PCDHGA3: variants seen among roughly 807,000 people sequenced by gnomAD.
PCDHGA3 encodes protocadherin gamma subfamily A, 3.
PCDHGA3 carries 40 observed loss-of-function variants against 58.5 expected under a neutral mutation model. The ratio of observed to expected loss-of-function variants is 0.68; its 90% confidence interval spans 0.53 to 0.89. The LOEUF is 0.89. Ranked by LOEUF, PCDHGA3 falls within the 40% of genes least tolerant of loss-of-function variation. PCDHGA3 has a pLI of 0.00. For missense variants in PCDHGA3, 1,223 were observed against 1,195.9 expected (o/e 1.02, Z -0.33); for synonymous variants, 530 against 525.7 (o/e 1.01, Z -0.11).
chr5:141,481,401 CT>C (rs2099537157), intron 1 of PCDHGA3, among the ~76,000 whole-genome samples: 1 of 152,204 alleles, frequency 6.6e-6, no homozygotes, highest in African/African-American at 2.4e-5. Flanking sequence ...TGACAAAATT[CT>C]TGTATAATTA....
chr5:141,361,643 C>T, intron 1 of PCDHGA3: 1 of 1,613,858 alleles, frequency 6.2e-7, no homozygotes, highest in Non-Finnish European at 8.5e-7. Context: ...GAGATTTTAT[C>T]CTACGTGTCC....
chr5:141,471,058 T>C (rs991869999), intron 1 of PCDHGA3, among the ~76,000 whole-genome samples: 2 of 149,826 alleles, frequency 1.3e-5, no homozygotes, highest in Non-Finnish European at 3.0e-5. Context: ...TTTTTTTTTT[T>C]TTTTTTTTGA....
intron 1 of PCDHGA3, among the ~76,000 whole-genome samples, chr5:141,459,544 T>G (rs772982634): frequency 6.6e-6 from 1 of 152,246 alleles, no homozygotes; most frequent in Non-Finnish European, 1.5e-5. Flanking sequence ...TTTTTTTTAT[T>G]TCTCTTGGAT....
At chr5:141,388,353 G>T in intron 1 of PCDHGA3, 1 of 1,613,976 alleles carries the variant, frequency 6.2e-7, no homozygotes, top group Non-Finnish European at 8.5e-7. Context: ...ATTAGGATCT[G>T]CCCATGATGC....
intron 1 of PCDHGA3, chr5:141,441,751 A>G (rs946329290): frequency 5.3e-6 from 2 of 378,094 alleles, no homozygotes; most frequent in African/African-American, 2.2e-5. Flanking sequence ...CTCGGCGTCA[A>G]CGTGAGCCTG....
At chr5:141,403,081 T>C (rs772246285) in intron 1 of PCDHGA3, 1 of 1,614,048 alleles carries the variant, frequency 6.2e-7, no homozygotes, top group East Asian at 2.2e-5. Flanking sequence ...AAAAGGGCTA[T>C]ATTGTGGGCA....
chr5:141,398,660 T>C, intron 1 of PCDHGA3: 2 of 1,614,038 alleles, frequency 1.2e-6, no homozygotes, highest in Non-Finnish European at 1.7e-6. Context: ...AACCCAAGTT[T>C]CTCATTAATA....
chr5:141,409,082 T>C (rs1332697516), intron 1 of PCDHGA3: 6 of 1,613,878 alleles, frequency 3.7e-6, no homozygotes, highest in African/African-American at 1.3e-5. Context: ...TATGTTCTCA[T>C]TGGATGAGAA....
At chr5:141,419,051 T>A (rs1007349455) in intron 1 of PCDHGA3, 6 of 1,613,950 alleles carry the variant, frequency 3.7e-6, no homozygotes, top group East Asian at 2.2e-5. Context: ...TCATTCTTCT[T>A]CTAATAATTA....
chr5:141,375,703 G>C (rs776426026), intron 1 of PCDHGA3: 6 of 1,614,144 alleles, frequency 3.7e-6, no homozygotes, highest in Non-Finnish European at 5.1e-6. Context: ...GCGGGGACCC[G>C]CCTCTTAGCA....
intron 1 of PCDHGA3, chr5:141,414,836 T>C: frequency 6.2e-7 from 1 of 1,614,222 alleles, no homozygotes; most frequent in Non-Finnish European, 8.5e-7. Context: ...TCGTTGAGCC[T>C]GTTTGTGCTG....
At chr5:141,370,688 G>A (rs374195397) in intron 1 of PCDHGA3, 7 of 1,613,840 alleles carry the variant, frequency 4.3e-6, no homozygotes, top group Non-Finnish European at 5.9e-6. Context: ...TTTGTGGCAA[G>A]AAGTCGACGT....
intron 1 of PCDHGA3, chr5:141,352,673 A>G (rs778268844): frequency 6.3e-7 from 1 of 1,575,668 alleles, no homozygotes; most frequent in Non-Finnish European, 8.6e-7. Context: ...TTCGCACGTG[A>G]GTTTCTGCAA....
At chr5:141,415,023 C>G in intron 1 of PCDHGA3, 1 of 1,613,530 alleles carries the variant, frequency 6.2e-7, no homozygotes, top group Non-Finnish European at 8.5e-7. Context: ...TCAAGGCCAG[C>G]GAGCCGGGAC....
At chr5:141,478,088 A>G (rs2099429877) in intron 1 of PCDHGA3, 2 of 1,613,944 alleles carry the variant, frequency 1.2e-6, no homozygotes, top group African/African-American at 1.3e-5. Context: ...TTCGCTCTCC[A>G]CCACTGCTAC....
Position 141,486,429 on chromosome 5 carries a change from C to G in PCDHGA3, c.2425-8378C>G, listed in dbSNP as rs2099629385. On this transcript the variant is annotated intron_variant, in intron 1 of 3. Transcript: ENST00000253812. The surrounding 1 kb of genome is among the most constrained non-coding windows in gnomAD (Gnocchi z 5.0). ...GGACCCTTGGATCGAGAGGCCAAAT[C>G]TAGCTATGACATCATGGTCACTGCT... 1.1e-5 allele frequency: 17 copies of G among 1,614,192 alleles called. No homozygotes were observed. Among genetic ancestry groups the G allele is most frequent in the Non-Finnish European group, 1.4e-5 (17 of 1,180,008 alleles).
rs759647406 is a variant in PCDHGA3 at position 141,493,849 on chromosome 5, A to G, written c.2425-958A>G. Among the ~76,000 whole-genome samples the G allele has an allele frequency of 6.6e-6, 1 of 152,178 alleles. No individual in the cohort carries two copies. The highest frequency in any genetic ancestry group is 1.5e-5 in the Non-Finnish European group (1 of 68,028). ...CTGGGAGCAAGTATGAGTATTAATT[A>G]CCAGCCCACCCCAGAACCAGTGAGG... On this transcript the variant is annotated intron_variant, in intron 1 of 3. Coordinates refer to ENST00000253812, the MANE Select transcript of PCDHGA3 (RefSeq NM_018916.4). The surrounding 1 kb of genome is among the most constrained non-coding windows in gnomAD (Gnocchi z 4.3).
At chr5:141,421,435 A>G (rs775839500) in intron 1 of PCDHGA3, 3 of 1,614,108 alleles carry the variant, frequency 1.9e-6, no homozygotes, top group East Asian at 4.5e-5. Context: ...CATCGTCTCC[A>G]GAGGGAAGAC....
intron 1 of PCDHGA3, among the ~76,000 whole-genome samples, chr5:141,451,630 C>T (rs899343801): frequency 2.0e-5 from 3 of 152,132 alleles, no homozygotes; most frequent in Non-Finnish European, 2.9e-5. Flanking sequence ...ACCTGTAATT[C>T]CAGCACTCTG....
Sources: gnomAD v4.1 joint callset for allele counts (sites outside exome capture counted in the v4.1 genomes callset) on GRCh38, gnomAD v4.1.1 for gene constraint, Gnocchi (gnomAD v3.1) non-coding constraint, MANE v1.5 for transcripts, NCBI Gene and HGNC (gene_info 2026-07-23, HGNC 2026-07-21) for gene names.